Variants in PPM1L observed in about 807,000 individuals in gnomAD.
PPM1L encodes protein phosphatase, Mg2+/Mn2+ dependent 1L.
A neutral mutation model predicts 31.4 loss-of-function variants in PPM1L; 13 were observed. That is an observed-to-expected ratio of 0.41 (90% CI 0.27 to 0.66). PPM1L has a LOEUF of 0.66. Among genes scored for constraint, PPM1L ranks in the 30% least tolerant of loss-of-function variants. PPM1L has a pLI of 0.29. For synonymous variants in PPM1L, 184 were observed against 175.4 expected, an observed-to-expected ratio of 1.05 and a Z score of -0.39; for missense variants, 326 against 453.7, an observed-to-expected ratio of 0.72 and a Z score of 2.56.
chr3:160,951,977 C>G (rs537327676), intron 1 of PPM1L, among the ~76,000 whole-genome samples: 5 of 152,266 alleles, frequency 3.3e-5, no homozygotes, highest in African/African-American at 1.2e-4. Flanking sequence ...AAGCCTGGGA[C>G]TTTTTCCTGA....
chr3:160,775,846 G>A (rs150645233), intron 1 of PPM1L, among the ~76,000 whole-genome samples: 159 of 152,298 alleles, frequency 1.0e-3, no homozygotes, highest in African/African-American at 3.6e-3. Context: ...ATTAAACATA[G>A]TATTTAGTGA....
At chr3:160,903,555 C>A (rs1266081517) in intron 1 of PPM1L, among the ~76,000 whole-genome samples, 2 of 151,990 alleles carry the variant, frequency 1.3e-5, no homozygotes, top group East Asian at 1.9e-4. Context: ...ATCACCGTAG[C>A]CTTACCAAGT....
intron 1 of PPM1L, among the ~76,000 whole-genome samples, chr3:160,948,672 C>T (rs532011004): frequency 6.6e-6 from 1 of 152,252 alleles, no homozygotes; most frequent in Non-Finnish European, 1.5e-5. Context: ...GGAAAGGGCT[C>T]AGCCTTCTTG....
intron 2 of PPM1L, among the ~76,000 whole-genome samples, chr3:161,047,375 A>C (rs907453637): frequency 6.6e-6 from 1 of 152,180 alleles, no homozygotes; most frequent in Admixed American, 6.5e-5. Context: ...AATCCAACTT[A>C]CAAGGGATGT....
chr3:160,980,801 G>C (rs1340491124), intron 2 of PPM1L, among the ~76,000 whole-genome samples: 1 of 150,912 alleles, frequency 6.6e-6, no homozygotes, highest in Admixed American at 6.6e-5. Context: ...GGAAGGGAGA[G>C]AGGGAGGGAG....
chr3:161,004,569 G>GA (rs1351674666), intron 2 of PPM1L, among the ~76,000 whole-genome samples: 1 of 147,840 alleles, frequency 6.8e-6, no homozygotes, highest in African/African-American at 2.5e-5. Context: ...TTAGTCTTGG[G>GA]AGAGTGTATG....
At chr3:160,767,626 T>C (rs966820754) in intron 1 of PPM1L, among the ~76,000 whole-genome samples, 1 of 152,316 alleles carries the variant, frequency 6.6e-6, no homozygotes, top group East Asian at 1.9e-4. Flanking sequence ...CTTATTTGCA[T>C]TTGCTTTTCA....
intron 1 of PPM1L, among the ~76,000 whole-genome samples, chr3:160,952,303 A>T (rs1284941916): frequency 6.6e-6 from 1 of 152,238 alleles, no homozygotes; most frequent in Non-Finnish European, 1.5e-5. Flanking sequence ...GGTGAAACTA[A>T]GTAAATTAAC....
intron 1 of PPM1L, among the ~76,000 whole-genome samples, chr3:160,896,706 G>C (rs954137729): frequency 6.6e-6 from 1 of 152,140 alleles, no homozygotes; most frequent in Middle Eastern, 3.2e-3. Context: ...AAAAAGAAAA[G>C]ATATTTATTG....
chr3:160,802,642 AG>A (rs1712466159), intron 1 of PPM1L, among the ~76,000 whole-genome samples: 1 of 152,162 alleles, frequency 6.6e-6, no homozygotes, highest in Non-Finnish European at 1.5e-5. Context: ...ACATATTCGT[AG>A]TTTATTTATA....
chr3:160,762,361 A>G (rs1444194887), intron 1 of PPM1L, among the ~76,000 whole-genome samples: 2 of 152,148 alleles, frequency 1.3e-5, no homozygotes, highest in African/African-American at 2.4e-5. Flanking sequence ...ACCTTTTTGT[A>G]TGGGAATGTA....
chr3:161,044,749 A>G (rs903955149), intron 2 of PPM1L, among the ~76,000 whole-genome samples: 12 of 152,226 alleles, frequency 7.9e-5, no homozygotes, highest in Admixed American at 3.9e-4. Context: ...TCACAATGAC[A>G]GGATCAACTT....
chr3:160,762,754 G>A (rs1437436003), intron 1 of PPM1L, among the ~76,000 whole-genome samples: 1 of 152,072 alleles, frequency 6.6e-6, no homozygotes, highest in Non-Finnish European at 1.5e-5. Context: ...GAAAAAATAT[G>A]GAAATGGTAC....
At chr3:160,990,556 G>A (rs947304947) in intron 2 of PPM1L, among the ~76,000 whole-genome samples, 1 of 152,172 alleles carries the variant, frequency 6.6e-6, no homozygotes, top group African/African-American at 2.4e-5. Context: ...AAGACTAACA[G>A]TTGGATTATT....
At chr3:160,824,759 G>A (rs1281048681) in intron 1 of PPM1L, among the ~76,000 whole-genome samples, 1 of 152,124 alleles carries the variant, frequency 6.6e-6, no homozygotes, top group East Asian at 1.9e-4. Flanking sequence ...TTCAGAACAC[G>A]AGCAGGAGAT....
chr3:161,009,156 A>G (rs776080982), intron 2 of PPM1L, among the ~76,000 whole-genome samples: 7 of 152,166 alleles, frequency 4.6e-5, no homozygotes, highest in African/African-American at 1.4e-4. Flanking sequence ...TGTTTGGTCA[A>G]TGCTAATATA....
rs1719987754 is a variant in PPM1L at position 161,073,199 on chromosome 3, A to G, written c.*4042A>G. 6.6e-6 allele frequency: 1 copy of G among 152,236 alleles called. No homozygotes were observed. Among genetic ancestry groups the G allele is most frequent in the South Asian group, 2.1e-4 (1 of 4,832 alleles). 9.4% of individuals were successfully genotyped at this position (152,236 alleles called of 1,614,324 possible). On this transcript the variant is annotated 3_prime_UTR_variant, in exon 4 of 4. Coordinates refer to ENST00000498165, the MANE Select transcript of PPM1L (RefSeq NM_139245.4). ...AAAGTTAGTGAACATGAGCACATCA[A>G]AGGCTCTAATTTAAATGTCCTGTGA...
chr3:161,076,965 ATTC>A lies in PPM1L; in HGVS notation c.*7811_*7813del, dbSNP rs1344398007. 1 of 152,168 alleles carries A rather than the reference ATTC, an allele frequency of 6.6e-6. No individual in the cohort carries two copies. The highest frequency in any genetic ancestry group is 1.9e-4 in the East Asian group (1 of 5,190). The allele number at this position is 152,168 out of a possible 1,614,324, so 9.4% of individuals were successfully genotyped here. A position where few individuals can be genotyped will look rare whatever the true frequency, so the allele number is the denominator to read the frequency against. The stretch of plus-strand genomic sequence containing the variant: ...TTATTGCTGTGTGTTTGTATATTTT[ATTC>A]TTTCCTTTTTTGTGTGAGCATCTAC... On this transcript the variant is annotated 3_prime_UTR_variant, in exon 4 of 4. Coordinates refer to ENST00000498165, the MANE Select transcript of PPM1L (RefSeq NM_139245.4).
At chr3:160,769,898 G>A (rs1479753236) in intron 1 of PPM1L, among the ~76,000 whole-genome samples, 1 of 152,100 alleles carries the variant, frequency 6.6e-6, no homozygotes, top group Non-Finnish European at 1.5e-5. Flanking sequence ...GGACAACCTC[G>A]CAATGGTCTA....
Sources: gnomAD v4.1 joint callset for allele counts (sites outside exome capture counted in the v4.1 genomes callset) on GRCh38, gnomAD v4.1.1 for gene constraint, MANE v1.5 for transcripts, NCBI Gene and HGNC (gene_info 2026-07-23, HGNC 2026-07-21) for gene names.